The following ASTN2 variants were observed in gnomAD, a reference collection of about 807,000 sequenced individuals.
The protein encoded by ASTN2 is astrotactin-2.
A neutral mutation model predicts 139.8 loss-of-function variants in ASTN2; 54 were observed. The ratio of observed to expected loss-of-function variants is 0.39; its 90% CI spans 0.31 to 0.48. ASTN2 has a LOEUF of 0.48. Among genes scored for constraint, ASTN2 ranks in the 20% least tolerant of loss-of-function variants. The probability of loss-of-function intolerance (pLI) is 0.95; values close to 1 mark genes in which losing one functional copy is unlikely to be tolerated. For synonymous variants in ASTN2, 756 were observed against 719.5 expected, an observed-to-expected ratio of 1.05 and a Z score of -0.81; for missense variants, 1,565 against 1,725.1, an observed-to-expected ratio of 0.91 and a Z score of 1.64.
At chr9:116,523,018 A>G (rs1227565173) in intron 19 of ASTN2, among the ~76,000 whole-genome samples, 2 of 152,146 alleles carry the variant, frequency 1.3e-5, no homozygotes, top group Non-Finnish European at 2.9e-5. Flanking sequence ...CCCACCAAGC[A>G]TCTTCCCCCA....
At chr9:116,596,180 G>A (rs1037032430) in intron 19 of ASTN2, among the ~76,000 whole-genome samples, 2 of 152,234 alleles carry the variant, frequency 1.3e-5, no homozygotes, top group Non-Finnish European at 2.9e-5. Context: ...GCCAGTCACA[G>A]AAGAACAAAT....
intron 17 of ASTN2, among the ~76,000 whole-genome samples, chr9:116,639,854 A>G (rs138955356): frequency 1.3e-5 from 2 of 152,214 alleles, no homozygotes; most frequent in Non-Finnish European, 2.9e-5. Flanking sequence ...AAAGGAGCCA[A>G]TGTATGTGAA....
chr9:116,703,028 G>T (rs1201784154), intron 16 of ASTN2, among the ~76,000 whole-genome samples: 2 of 152,094 alleles, frequency 1.3e-5, no homozygotes, highest in East Asian at 3.9e-4. Context: ...GGTATTTCTA[G>T]TTCTAGATCC....
At chr9:116,563,382 TAAAA>T (rs77833316) in intron 19 of ASTN2, among the ~76,000 whole-genome samples, 23,794 of 147,664 alleles carry the variant, frequency 0.16, 2,060 homozygotes, top group African/African-American at 0.22. Context: ...CTCAAAAAAA[TAAAA>T]ATAAAAATAA....
intron 7 of ASTN2, among the ~76,000 whole-genome samples, chr9:116,983,012 G>C (rs1218868537): frequency 6.6e-6 from 1 of 152,156 alleles, no homozygotes; most frequent in Admixed American, 6.5e-5. Context: ...CATCCTGGCT[G>C]TCTGACTCCC....
At chr9:116,908,479 C>T (rs983086176) in intron 10 of ASTN2, among the ~76,000 whole-genome samples, 1 of 152,212 alleles carries the variant, frequency 6.6e-6, no homozygotes, top group Non-Finnish European at 1.5e-5. Flanking sequence ...ACCTCTTCCT[C>T]ACCATAAAAA....
intron 10 of ASTN2, among the ~76,000 whole-genome samples, chr9:116,871,618 T>A (rs564851524): frequency 9.5e-4 from 145 of 152,348 alleles, no homozygotes; most frequent in African/African-American, 3.4e-3. Flanking sequence ...TCAAGGTTCA[T>A]CCATGTTTCA....
intron 19 of ASTN2, among the ~76,000 whole-genome samples, chr9:116,513,397 T>C (rs569941291): frequency 3.5e-4 from 53 of 152,344 alleles, no homozygotes; most frequent in African/African-American, 1.2e-3. Context: ...CTTCCCTTTG[T>C]GGATAACCCA....
intron 7 of ASTN2, among the ~76,000 whole-genome samples, chr9:117,006,557 A>T (rs1413624203): frequency 6.6e-6 from 1 of 152,152 alleles, no homozygotes; most frequent in Non-Finnish European, 1.5e-5. Context: ...CCTAGATTAG[A>T]GTAATAGGGC....
intron 16 of ASTN2, among the ~76,000 whole-genome samples, chr9:116,693,060 G>T (rs1000579634): frequency 6.6e-6 from 1 of 152,056 alleles, no homozygotes; most frequent in African/African-American, 2.4e-5. Context: ...TGAAAGGAAA[G>T]GTTGTTCATG....
chr9:117,120,746 C>A (rs1456218220), intron 4 of ASTN2, among the ~76,000 whole-genome samples: 1 of 152,180 alleles, frequency 6.6e-6, no homozygotes. Context: ...GGAGACATTT[C>A]CATTGCCACC....
At chr9:116,640,672 C>T (rs803925) in intron 17 of ASTN2, among the ~76,000 whole-genome samples, 18,744 of 152,188 alleles carry the variant, frequency 0.12, 1,227 homozygotes, top group East Asian at 0.15. Context: ...AGAAGGTTTC[C>T]GCCCAAGCAG....
At chr9:117,103,919 T>C (rs79431220) in intron 4 of ASTN2, among the ~76,000 whole-genome samples, 1 of 152,316 alleles carries the variant, frequency 6.6e-6, no homozygotes, top group East Asian at 1.9e-4. Flanking sequence ...CAAATGTTCA[T>C]ACACATTCAC....
At chr9:116,808,922 G>A (rs1002745901) in intron 12 of ASTN2, among the ~76,000 whole-genome samples, 17 of 152,148 alleles carry the variant, frequency 1.1e-4, no homozygotes, top group African/African-American at 4.1e-4. Context: ...TCATGTTACG[G>A]TCACTTGCAT....
chr9:116,987,991 C>G (rs1836734132), intron 7 of ASTN2, among the ~76,000 whole-genome samples: 1 of 152,184 alleles, frequency 6.6e-6, no homozygotes, highest in African/African-American at 2.4e-5. Flanking sequence ...CATCACACTA[C>G]TCAGAATGCA....
chr9:116,629,797 C>A (rs991202362), intron 17 of ASTN2, among the ~76,000 whole-genome samples: 1 of 152,088 alleles, frequency 6.6e-6, no homozygotes, highest in African/African-American at 2.4e-5. Flanking sequence ...ACATTTAGAA[C>A]CAGCCAAACC....
At chr9:116,618,514 A>G in intron 18 of ASTN2, 42 bp from the exon 19 acceptor site, 1 of 1,575,922 alleles carries the variant, frequency 6.3e-7, no homozygotes. Flanking sequence ...GGCAGCCAGC[A>G]CCAGCTGGGG....
intron 19 of ASTN2, among the ~76,000 whole-genome samples, chr9:116,510,945 A>C (rs1230996977): frequency 5.3e-5 from 8 of 152,240 alleles, no homozygotes; most frequent in Non-Finnish European, 8.8e-5. Flanking sequence ...ATGTCATCTG[A>C]AAACAGGGAC....
Position 116,456,117 on chromosome 9 carries a change from C to A in ASTN2, c.3498-13564G>T, listed in dbSNP as rs182656064. Among the ~76,000 whole-genome samples, 36 of 151,664 alleles carry A rather than the reference C, an allele frequency of 2.4e-4. No individual in the cohort carries two copies. In the East Asian group the frequency reaches 6.4e-3, roughly 27 times the overall value. ...TGATATGATCTTATATTTGAAGACA[C>A]CTAAGATTCCACCAAGAAAAAAACT... On this transcript the variant is annotated intron_variant, in intron 20 of 22. Coordinates refer to ENST00000313400, the MANE Select transcript of ASTN2 (RefSeq NM_001365068.1).
Sources: gnomAD v4.1 joint callset for allele counts (sites outside exome capture counted in the v4.1 genomes callset) on GRCh38, gnomAD v4.1.1 for gene constraint, MANE v1.5 for transcripts, NCBI Gene and HGNC (gene_info 2026-07-23, HGNC 2026-07-21) for gene names.